ADAMTSL1: variants seen among roughly 807,000 people sequenced by gnomAD.
ADAMTSL1 encodes the protein ADAMTS-like protein 1.
In ADAMTSL1, 126 loss-of-function variants were observed where a neutral mutation model predicts 201.8. That is an observed-to-expected ratio of 0.62 (90% CI 0.54 to 0.72). The LOEUF is 0.72. Ranked by LOEUF, ADAMTSL1 falls within the 30% of genes least tolerant of loss-of-function variation. ADAMTSL1 has a pLI of 0.00. For synonymous variants in ADAMTSL1, 1,121 were observed against 903.4 expected (o/e 1.24, Z -4.32); for missense variants, 2,679 against 2,277.8 (o/e 1.18, Z -3.59).
intron 1 of ADAMTSL1, among the ~76,000 whole-genome samples, chr9:18,031,559 C>G (rs1007670533): frequency 6.6e-6 from 1 of 152,150 alleles, no homozygotes; most frequent in Non-Finnish European, 1.5e-5. Flanking sequence ...CAGATGGTCT[C>G]TTACATACTT....
intron 2 of ADAMTSL1, among the ~76,000 whole-genome samples, chr9:18,385,518 G>C (rs1837756648): frequency 6.6e-6 from 1 of 152,138 alleles, no homozygotes; most frequent in Non-Finnish European, 1.5e-5. Flanking sequence ...AACAAAAAAT[G>C]CTGTTTATTT....
intron 2 of ADAMTSL1, among the ~76,000 whole-genome samples, chr9:18,291,823 T>C (rs1833285480): frequency 6.7e-6 from 1 of 149,918 alleles, no homozygotes; most frequent in Admixed American, 6.7e-5. Flanking sequence ...TGTTTCAGAG[T>C]CCAGAAAGCA....
intron 20 of ADAMTSL1, among the ~76,000 whole-genome samples, chr9:18,801,527 C>T (rs1224275219): frequency 6.6e-6 from 1 of 152,182 alleles, no homozygotes; most frequent in Admixed American, 6.5e-5. Flanking sequence ...GCTCTCTCCT[C>T]CCACTCTCCA....
chr9:18,517,182 G>C (rs926196291), intron 2 of ADAMTSL1, among the ~76,000 whole-genome samples: 2 of 152,152 alleles, frequency 1.3e-5, no homozygotes, highest in African/African-American at 4.8e-5. Flanking sequence ...TATGGCATGT[G>C]TGTGTATACT....
intron 4 of ADAMTSL1, among the ~76,000 whole-genome samples, chr9:18,595,321 T>C (rs1333102234): frequency 6.6e-6 from 1 of 152,096 alleles, no homozygotes; most frequent in Non-Finnish European, 1.5e-5. Context: ...GTCTGTCTTA[T>C]TGGATCAGAT....
chr9:18,689,529 G>T (rs903082334), intron 13 of ADAMTSL1, among the ~76,000 whole-genome samples: 3 of 151,926 alleles, frequency 2.0e-5, no homozygotes, highest in Non-Finnish European at 4.4e-5. Context: ...TTAAAAAAAA[G>T]GAAAAAGAAA....
At chr9:18,762,559 G>A (rs944998879) in intron 16 of ADAMTSL1, among the ~76,000 whole-genome samples, 1 of 151,726 alleles carries the variant, frequency 6.6e-6, no homozygotes, top group African/African-American at 2.4e-5. Context: ...ATTGACTATA[G>A]TCACCCTATT....
At chr9:18,450,596 A>C (rs1444259733) in intron 2 of ADAMTSL1, among the ~76,000 whole-genome samples, 2 of 151,520 alleles carry the variant, frequency 1.3e-5, no homozygotes, top group Non-Finnish European at 2.9e-5. Flanking sequence ...TTATGTATAC[A>C]TATATATGTA....
intron 15 of ADAMTSL1, among the ~76,000 whole-genome samples, chr9:18,749,597 G>C (rs1302311887): frequency 1.3e-5 from 2 of 152,140 alleles, no homozygotes; most frequent in African/African-American, 2.4e-5. Context: ...GGCCGGCTCT[G>C]CCTGGCCTGC....
At chr9:18,082,376 C>T (rs1823539807) in intron 1 of ADAMTSL1, among the ~76,000 whole-genome samples, 1 of 152,150 alleles carries the variant, frequency 6.6e-6, no homozygotes, top group Non-Finnish European at 1.5e-5. Context: ...ATGACGTGAT[C>T]TCAGCTCTCA....
intron 3 of ADAMTSL1, among the ~76,000 whole-genome samples, chr9:18,545,620 T>A (rs1564033690): frequency 6.6e-6 from 1 of 152,170 alleles, no homozygotes; most frequent in Non-Finnish European, 1.5e-5. Flanking sequence ...TCTAATTCCC[T>A]CTCCTTTGAG....
At chr9:18,592,855 A>G (rs1411820858) in intron 4 of ADAMTSL1, among the ~76,000 whole-genome samples, 1 of 152,198 alleles carries the variant, frequency 6.6e-6, no homozygotes, top group Non-Finnish European at 1.5e-5. Flanking sequence ...ATCCATGAAC[A>G]TGGAATCTTT....
intron 20 of ADAMTSL1, among the ~76,000 whole-genome samples, chr9:18,806,355 C>T (rs1467299906): frequency 1.3e-5 from 2 of 152,192 alleles, no homozygotes; most frequent in East Asian, 3.8e-4. Context: ...ATGCTCATAG[C>T]TAACTGCAAA....
intron 4 of ADAMTSL1, among the ~76,000 whole-genome samples, chr9:18,608,855 A>T (rs1825196407): frequency 6.6e-6 from 1 of 152,192 alleles, no homozygotes; most frequent in Non-Finnish European, 1.5e-5. Context: ...CCAGAAGACT[A>T]CTTTTCCTTT....
At chr9:18,362,887 T>C (rs908848945) in intron 2 of ADAMTSL1, among the ~76,000 whole-genome samples, 20 of 152,206 alleles carry the variant, frequency 1.3e-4, no homozygotes, top group African/African-American at 4.8e-4. Flanking sequence ...TGTTGATTTC[T>C]CTAACAGAGC....
chr9:18,662,462 G>T (rs1029703463), intron 9 of ADAMTSL1, among the ~76,000 whole-genome samples: 12 of 152,058 alleles, frequency 7.9e-5, no homozygotes, highest in Admixed American at 7.9e-4. Flanking sequence ...CTCTATTCCC[G>T]ATCAGGGACA....
chr9:18,809,028 G>T (rs1003080336), intron 20 of ADAMTSL1, among the ~76,000 whole-genome samples: 5 of 152,180 alleles, frequency 3.3e-5, no homozygotes, highest in African/African-American at 1.2e-4. Context: ...AATCTACTAG[G>T]CGCCAGGCCT....
At chr9:18,843,984 CCTCCTGTAG>C (rs1825911927) in intron 23 of ADAMTSL1, among the ~76,000 whole-genome samples, 1 of 152,144 alleles carries the variant, frequency 6.6e-6, no homozygotes, top group Admixed American at 6.5e-5. Context: ...GTTTGAATTT[CCTCCTGTAG>C]CTCGGAGTAG....
intron 2 of ADAMTSL1, among the ~76,000 whole-genome samples, chr9:18,286,868 A>G (rs900807739): frequency 6.6e-6 from 1 of 152,184 alleles, no homozygotes; most frequent in African/African-American, 2.4e-5. Context: ...TTTTCCTTCA[A>G]TCTCCCTTAA....
Sources: allele counts gnomAD v4.1 joint callset (sites outside exome capture counted in the v4.1 genomes callset), GRCh38; gene constraint gnomAD v4.1.1; transcripts MANE v1.5; gene names NCBI Gene and HGNC (gene_info 2026-07-23, HGNC 2026-07-21).